The following CSMD1 variants were observed in gnomAD, a reference collection of about 807,000 sequenced individuals.
CSMD1 encodes the protein CUB and sushi domain-containing protein 1.
CSMD1 carries 213 observed loss-of-function variants against 417.5 expected under a neutral mutation model. The observed-to-expected ratio is 0.51, with a 90% CI of 0.46 to 0.57. The LOEUF is 0.57. CSMD1 is among the 20% of genes least tolerant of loss of function. The pLI is 0.00. For synonymous variants in CSMD1, 2,862 were observed against 1,736.8 expected (o/e 1.65, Z -16.11); for missense variants, 6,923 against 4,529.7 (o/e 1.53, Z -15.17).
At chr8:4,505,798 TGTTCAATATTTTTTTTTTTTTA>T (rs2130310521) in intron 2 of CSMD1, among the ~76,000 whole-genome samples, 1 of 151,834 alleles carries the variant, frequency 6.6e-6, no homozygotes, top group East Asian at 2.0e-4. Flanking sequence ...TCCACACTCA[TGTTCAATATTTTTTTTTTTTTA>T]GATAGAGTCT....
chr8:4,143,518 T>C (rs1449001062), intron 3 of CSMD1, among the ~76,000 whole-genome samples: 1 of 150,968 alleles, frequency 6.6e-6, no homozygotes, highest in East Asian at 1.9e-4. Flanking sequence ...AAGAAGTTGA[T>C]ATTAAGTTTA....
In CSMD1 at chr8:3,390,401, T is replaced by G. The variant is rs188786870; in HGVS notation, c.2594-2719A>C. On this transcript the variant is annotated intron_variant, in intron 17 of 69. Coordinates refer to ENST00000635120, the MANE Select transcript of CSMD1 (RefSeq NM_033225.6). ...AAAAGGAATTTTGTAGCAGGTGATTTATCTCCAATGGAACAATACATTTAT... is the reference window on the plus strand; with the variant it reads ...AAAAGGAATTTTGTAGCAGGTGATTGATCTCCAATGGAACAATACATTTAT... Among the ~76,000 whole-genome samples the G allele has an allele frequency of 3.8e-3, 577 of 150,764 alleles. 14 individuals carry two copies. The highest frequency in any genetic ancestry group is 0.036 in the Admixed American group (541 of 15,054).
At chr8:4,603,693 T>A (rs1800714055) in intron 2 of CSMD1, among the ~76,000 whole-genome samples, 1 of 152,164 alleles carries the variant, frequency 6.6e-6, no homozygotes, top group Non-Finnish European at 1.5e-5. Flanking sequence ...ACAGTGATTT[T>A]CTTTCACTTC....
rs79273484 is a variant in CSMD1 at position 3,823,572 on chromosome 8, G to A, written c.819-69530C>T. Among the ~76,000 whole-genome samples the A allele has an allele frequency of 2.3e-3, 353 of 152,152 alleles. 1 individual carries two copies. Among genetic ancestry groups the A allele is most frequent in the African/African-American group, 8.1e-3 (338 of 41,532 alleles). On this transcript the variant is annotated intron_variant, in intron 5 of 69. Coordinates refer to ENST00000635120, the MANE Select transcript of CSMD1 (RefSeq NM_033225.6). ...AAAATAAAAAATTTACAATTATAAT[G>A]CAATGGATACATGTTTGAACCATTC... is the stretch of plus-strand genomic sequence containing the variant.
chr8:3,817,034 G>T (rs1376104051), intron 5 of CSMD1, among the ~76,000 whole-genome samples: 1 of 151,998 alleles, frequency 6.6e-6, no homozygotes, highest in African/African-American at 2.4e-5. Flanking sequence ...AATTTTAGGA[G>T]ATGACAAGAG....
At chr8:4,003,531 A>C (rs768692822) in intron 4 of CSMD1, among the ~76,000 whole-genome samples, 2 of 152,210 alleles carry the variant, frequency 1.3e-5, no homozygotes, top group Non-Finnish European at 1.5e-5. Flanking sequence ...AACAAACCAA[A>C]ATTAAAAACA....
chr8:3,039,177 C>T (rs62490500), intron 50 of CSMD1, among the ~76,000 whole-genome samples: 30,936 of 150,860 alleles, frequency 0.21, 3,653 homozygotes, highest in Non-Finnish European at 0.27. Context: ...AAGGTATATT[C>T]CTAGATTCCT....
intron 25 of CSMD1, among the ~76,000 whole-genome samples, chr8:3,288,980 C>T (rs1803354168): frequency 6.9e-6 from 1 of 144,522 alleles, no homozygotes. Context: ...TCCCCACTCC[C>T]CCTACCCCAC....
chr8:4,905,417 A>T (rs1447630813), intron 1 of CSMD1, among the ~76,000 whole-genome samples: 1 of 152,090 alleles, frequency 6.6e-6, no homozygotes, highest in African/African-American at 2.4e-5. Context: ...GATTTATAAA[A>T]TACATATACA....
chr8:4,196,442 C>G (rs1374996856), intron 3 of CSMD1, among the ~76,000 whole-genome samples: 1 of 152,102 alleles, frequency 6.6e-6, no homozygotes. Flanking sequence ...CTTTCTGAAG[C>G]CTCTTAGGGA....
intron 3 of CSMD1, among the ~76,000 whole-genome samples, chr8:4,313,931 T>C (rs1179469854): frequency 1.3e-5 from 2 of 151,894 alleles, no homozygotes; most frequent in Non-Finnish European, 2.9e-5. Context: ...GGAGAGTCAC[T>C]TGAACCTGGG....
At chr8:3,426,454 C>T (rs1457200859) in intron 12 of CSMD1, among the ~76,000 whole-genome samples, 2 of 152,124 alleles carry the variant, frequency 1.3e-5, no homozygotes, top group Non-Finnish European at 2.9e-5. Flanking sequence ...CTTTTCAAAT[C>T]AATTAATGGA....
At chr8:3,697,198 G>C (rs1197433088) in intron 7 of CSMD1, among the ~76,000 whole-genome samples, 3 of 152,064 alleles carry the variant, frequency 2.0e-5, no homozygotes, top group African/African-American at 4.8e-5. Flanking sequence ...TATCAAGTCT[G>C]GGCAAAACTT....
chr8:4,538,234 G>GGCA (rs142315331), intron 2 of CSMD1, among the ~76,000 whole-genome samples: 1,850 of 148,432 alleles, frequency 0.012, 23 homozygotes, highest in Non-Finnish European at 0.02. Flanking sequence ...TGATGTATGT[G>GGCA]GCACCCTTAT....
At chr8:4,258,078 G>C (rs982075256) in intron 3 of CSMD1, among the ~76,000 whole-genome samples, 13 of 151,504 alleles carry the variant, frequency 8.6e-5, no homozygotes, top group African/African-American at 2.7e-4. Flanking sequence ...CTAGTAACTG[G>C]GACTACAGGC....
chr8:3,635,918 G>A (rs930639242), intron 7 of CSMD1, among the ~76,000 whole-genome samples: 5 of 150,370 alleles, frequency 3.3e-5, no homozygotes, highest in African/African-American at 4.9e-5. Flanking sequence ...TTAACTTCCT[G>A]TAAGCTGACT....
chr8:4,763,157 G>A (rs1471034917), intron 1 of CSMD1, among the ~76,000 whole-genome samples: 3 of 152,190 alleles, frequency 2.0e-5, no homozygotes, highest in Non-Finnish European at 4.4e-5. Flanking sequence ...AATAAAAACT[G>A]TCAACGATCA....
intron 10 of CSMD1, among the ~76,000 whole-genome samples, chr8:3,500,085 A>G (rs1246762310): frequency 6.6e-6 from 1 of 151,924 alleles, no homozygotes; most frequent in Non-Finnish European, 1.5e-5. Flanking sequence ...TCTCCCTACA[A>G]TCGGGAGTCC....
chr8:3,625,081 T>A (rs1796431128), intron 7 of CSMD1, among the ~76,000 whole-genome samples: 3 of 151,910 alleles, frequency 2.0e-5, no homozygotes, highest in African/African-American at 4.8e-5. Context: ...GTTTTTTTTT[T>A]ATTTTTTGCT....
Sources: allele counts gnomAD v4.1 joint callset (sites outside exome capture counted in the v4.1 genomes callset), GRCh38; gene constraint gnomAD v4.1.1; transcripts MANE v1.5; gene names NCBI Gene and HGNC (gene_info 2026-07-23, HGNC 2026-07-21).